SAP30BP: variants seen among roughly 807,000 people sequenced by gnomAD.
SAP30BP encodes SAP30-binding protein.
Under a neutral mutation model 46.3 loss-of-function variants are expected in SAP30BP, and 31 were observed. The observed-to-expected ratio is 0.67, with a 90% CI of 0.50 to 0.90. The LOEUF (loss-of-function observed/expected upper bound fraction) is 0.90. Ranked by LOEUF, SAP30BP falls within the 40% of genes least tolerant of loss-of-function variation. The probability of loss-of-function intolerance (pLI) is 0.00; values close to 1 mark genes in which losing one functional copy is unlikely to be tolerated. For missense variants in SAP30BP, 312 were observed against 391.0 expected (o/e 0.80, Z 1.70); for synonymous variants, 169 against 144.2 (o/e 1.17, Z -1.23).
At chr17:75,685,203 T>C (rs1454994127) in intron 3 of SAP30BP, among the ~76,000 whole-genome samples, 1 of 152,202 alleles carries the variant, frequency 6.6e-6, no homozygotes, top group Admixed American at 6.5e-5. Context: ...GATTGCTAAC[T>C]GAGGTGTGGC....
rs147631889 is a variant in SAP30BP at position 75,687,313 on chromosome 17, G to A, written c.265-6127G>A. Among the ~76,000 whole-genome samples the A allele has an allele frequency of 7.2e-5, 11 of 152,270 alleles. No homozygotes were observed. The East Asian group carries it at 2.1e-3, about 29-fold the overall frequency. On this transcript the variant is annotated intron_variant, in intron 3 of 10. Coordinates refer to ENST00000584667, the MANE Select transcript of SAP30BP (RefSeq NM_013260.8). Reference sequence around the variant, plus strand: ...TTAGGATTTAGGAGCATTAGGCCCAGTGTTCGGAAAGAGGATGCAGGGCCA... The same window carrying A: ...TTAGGATTTAGGAGCATTAGGCCCAATGTTCGGAAAGAGGATGCAGGGCCA...
intron 3 of SAP30BP, among the ~76,000 whole-genome samples, chr17:75,676,228 C>T (rs2059988386): frequency 6.6e-6 from 1 of 152,186 alleles, no homozygotes; most frequent in African/African-American, 2.4e-5. Flanking sequence ...GTCTGTCTTG[C>T]CCTTTGAATG....
At chr17:75,672,725 G>C (rs918872698) in intron 3 of SAP30BP, among the ~76,000 whole-genome samples, 19 of 152,198 alleles carry the variant, frequency 1.2e-4, no homozygotes, top group African/African-American at 3.6e-4. Flanking sequence ...GGGAGGCTGA[G>C]GCGGGAGGAT....
chr17:75,685,793 C>G (rs189378186), intron 3 of SAP30BP, among the ~76,000 whole-genome samples: 29 of 152,308 alleles, frequency 1.9e-4, no homozygotes, highest in African/African-American at 6.5e-4. Flanking sequence ...GCCTCACCAC[C>G]AAGAGCTTGA....
chr17:75,707,932 G>A lies in SAP30BP; in HGVS notation c.*1411G>A, dbSNP rs923922192. The A allele has an allele frequency of 3.3e-5, 5 of 152,218 alleles. No homozygotes were observed. Among genetic ancestry groups the A allele is most frequent in the Non-Finnish European group, 5.9e-5 (4 of 68,040 alleles). The allele number at this position is 152,218 out of a possible 1,614,324, so 9.4% of individuals were successfully genotyped here. On this transcript the variant is annotated 3_prime_UTR_variant, in exon 11 of 11. Transcript: ENST00000584667. ...GATTCCACTTAAAACCAGTTGAGTG[G>A]TCTCAAGCCCTTAACCTCTGTAAGC...
At chr17:75,688,401 A>G (rs547563258) in intron 3 of SAP30BP, among the ~76,000 whole-genome samples, 4 of 152,334 alleles carry the variant, frequency 2.6e-5, no homozygotes, top group South Asian at 2.1e-4. Flanking sequence ...GCAAGATTAC[A>G]TTGCCCAACA....
intron 5 of SAP30BP, among the ~76,000 whole-genome samples, chr17:75,701,549 G>A (rs1244329487): frequency 1.3e-5 from 2 of 152,204 alleles, no homozygotes; most frequent in African/African-American, 4.8e-5. Context: ...TGACCTGTGG[G>A]GGAGTTTGGG....
chr17:75,676,565 A>G (rs1300263726), intron 3 of SAP30BP, among the ~76,000 whole-genome samples: 1 of 152,236 alleles, frequency 6.6e-6, no homozygotes, highest in African/African-American at 2.4e-5. Flanking sequence ...ATGTCTGCCA[A>G]ATACCCAAGT....
At chr17:75,690,867 C>A (rs2060231725) in intron 3 of SAP30BP, 1 of 417,656 alleles carries the variant, frequency 2.4e-6, no homozygotes, top group Admixed American at 2.6e-5. Context: ...TGAACCAACA[C>A]AGACAGCACA....
chr17:75,702,593 A>G lies in SAP30BP; in HGVS notation c.488+22A>G, dbSNP rs373374625. On this transcript the variant is annotated intron_variant, in intron 6 of 10. Coordinates refer to ENST00000584667, the MANE Select transcript of SAP30BP (RefSeq NM_013260.8). ...CTAGGTAAGTTTCCCTTGAGCCTGC[A>G]GAGTTTATTGAGTTATTAATGTTGG... 9.0e-5 allele frequency: 109 copies of G among 1,205,788 alleles called. No individual in the cohort carries two copies. The African/African-American group carries it at 1.5e-3, about 16-fold the overall frequency. The allele number at this position is 1,205,788 out of a possible 1,614,324, so 74.7% of individuals were successfully genotyped here.
chr17:75,682,831 C>T (rs1408000243), intron 3 of SAP30BP, among the ~76,000 whole-genome samples: 1 of 151,280 alleles, frequency 6.6e-6, no homozygotes, highest in Non-Finnish European at 1.5e-5. Flanking sequence ...GACATGGTGG[C>T]ACGTGCCTGT....
At chr17:75,678,770 G>A (rs138104536) in intron 3 of SAP30BP, among the ~76,000 whole-genome samples, 339 of 152,260 alleles carry the variant, frequency 2.2e-3, no homozygotes, top group African/African-American at 8.0e-3. Flanking sequence ...AGGTAGAGCT[G>A]GAAGACAGAA....
chr17:75,691,731 C>A (rs942869706), intron 3 of SAP30BP: 18 of 288,408 alleles, frequency 6.2e-5, no homozygotes, highest in African/African-American at 4.0e-4. Context: ...TGGTCAGTCC[C>A]TGTATGATCA....
intron 8 of SAP30BP, 135 bp downstream of exon 8, chr17:75,703,994 A>G (rs2060456029): frequency 1.3e-6 from 1 of 744,680 alleles, no homozygotes; most frequent in Non-Finnish European, 2.4e-6. Flanking sequence ...GGCTGGGTAC[A>G]GGCCTGAATG....
chr17:75,696,967 T>C lies in SAP30BP; in HGVS notation c.308-2816T>C, dbSNP rs1047947659. ...TAAATTTTTGTATTTTTAGTAGGGA[T>C]GGGGTTTCACTGTTTTAGCCAGGAT... On this transcript the variant is annotated intron_variant, in intron 4 of 10. Transcript: ENST00000584667. 3.3e-5 allele frequency among the ~76,000 whole-genome samples: 5 copies of C among 152,084 alleles called. No individual in the cohort carries two copies. In the South Asian group the frequency reaches 1.0e-3, roughly 32 times the overall value.
intron 6 of SAP30BP, 47 bp from the exon 7 acceptor site, chr17:75,703,264 C>CA (rs776027538): frequency 6.4e-6 from 10 of 1,572,850 alleles, no homozygotes; most frequent in Non-Finnish European, 8.8e-6. Flanking sequence ...AGGTCCCATG[C>CA]AGGGACGTGG....
In SAP30BP at chr17:75,707,025, G is replaced by A. The variant is rs1406264039; in HGVS notation, c.*504G>A. 5.9e-6 allele frequency: 1 copy of A among 168,882 alleles called. No individual in the cohort carries two copies. The highest frequency in any genetic ancestry group is 2.4e-5 in the African/African-American group (1 of 41,966). The allele number at this position is 168,882 out of a possible 1,614,324, so 10.5% of individuals were successfully genotyped here. A position where few individuals can be genotyped will look rare whatever the true frequency, so the allele number is the denominator to read the frequency against. ...CCGCCTTGATCCCAAAACCCAGCCA[G>A]TTCTCGGGTGATGGTGGAGCTGTGC... On this transcript the variant is annotated 3_prime_UTR_variant, in exon 11 of 11. Coordinates refer to ENST00000584667, the MANE Select transcript of SAP30BP (RefSeq NM_013260.8).
chr17:75,706,583 A>G lies in SAP30BP; in HGVS notation c.*62A>G. On this transcript the variant is annotated 3_prime_UTR_variant, in exon 11 of 11. Coordinates refer to ENST00000584667, the MANE Select transcript of SAP30BP (RefSeq NM_013260.8). This position sits in a 1 kb window ranked among gnomAD's most constrained non-coding sequence, Gnocchi z 4.6. ...AGCCCAGTGACCACTGCCCAGTGGG[A>G]GGCGCCACTTTGTATATTTCAGGAC... The G allele has an allele frequency of 6.8e-7, 1 of 1,470,110 alleles. No individual in the cohort carries two copies. The allele number at this position is 1,470,110 out of a possible 1,614,324, so 91.1% of individuals were successfully genotyped here.
chr17:75,684,319 CAT>C (rs2060126494), intron 3 of SAP30BP: 1 of 152,206 alleles, frequency 6.6e-6, no homozygotes, highest in South Asian at 2.1e-4. Flanking sequence ...TTTAGGGTGT[CAT>C]GTGGGGTGCT....
Sources: gnomAD v4.1 joint callset for allele counts (sites outside exome capture counted in the v4.1 genomes callset) on GRCh38, gnomAD v4.1.1 for gene constraint, Gnocchi (gnomAD v3.1) non-coding constraint, MANE v1.5 for transcripts, NCBI Gene and HGNC (gene_info 2026-07-23, HGNC 2026-07-21) for gene names.